Variants in HEATR1 observed in about 807,000 individuals in gnomAD.
The protein encoded by HEATR1 is HEAT repeat containing 1.
A neutral mutation model predicts 248.2 loss-of-function variants in HEATR1; 77 were observed. That is an observed-to-expected ratio of 0.31 (90% CI 0.26 to 0.37). HEATR1 has a LOEUF of 0.37. HEATR1 is among the 10% of genes least tolerant of loss of function. The probability of loss-of-function intolerance (pLI) is 1.00; values close to 1 mark genes in which losing one functional copy is unlikely to be tolerated. For synonymous variants in HEATR1, 897 were observed against 923.1 expected, an observed-to-expected ratio of 0.97 and a Z score of 0.51; for missense variants, 2,420 against 2,504.9, an observed-to-expected ratio of 0.97 and a Z score of 0.72.
At chr1:236,569,901 C>T (rs1263093290) in intron 28 of HEATR1, among the ~76,000 whole-genome samples, 1 of 152,154 alleles carries the variant, frequency 6.6e-6, no homozygotes, top group African/African-American at 2.4e-5. Flanking sequence ...AACCGATGAA[C>T]AGATAAACAA....
In HEATR1 at chr1:236,590,833, G is replaced by A. The variant is rs781148954; in HGVS notation, c.1530+14C>T. 1.1e-5 allele frequency: 15 copies of A among 1,372,944 alleles called. No homozygotes were observed. Among genetic ancestry groups the A allele is most frequent in the African/African-American group, 2.9e-5 (2 of 68,222 alleles). The allele number at this position is 1,372,944 out of a possible 1,614,324, so 85.0% of individuals were successfully genotyped here. On this transcript the variant is annotated intron_variant, in intron 12 of 44. Coordinates refer to ENST00000366582, the MANE Select transcript of HEATR1 (RefSeq NM_018072.6). ...AGAAAAAAAAACCATATAAAAAAGC[G>A]ATCTGAAACAAACCTTTGATGTTTT...
chr1:236,579,089 A>G (rs1663640550), intron 20 of HEATR1, among the ~76,000 whole-genome samples: 1 of 152,264 alleles, frequency 6.6e-6, no homozygotes, highest in South Asian at 2.1e-4. Context: ...TAAGAAGTTC[A>G]TACAGGTTGA....
intron 24 of HEATR1, among the ~76,000 whole-genome samples, chr1:236,573,351 A>G (rs761105505): frequency 6.6e-6 from 1 of 152,202 alleles, no homozygotes; most frequent in Non-Finnish European, 1.5e-5. Flanking sequence ...CATGCACAAA[A>G]ACAGATTTAC....
At chr1:236,603,518 A>G (rs1664383125) in intron 2 of HEATR1, 142 bp from the exon 3 acceptor site, 2 of 653,264 alleles carry the variant, frequency 3.1e-6, no homozygotes, top group South Asian at 4.0e-5. Context: ...CCAAACACTG[A>G]TTTCTAGTTT....
intron 8 of HEATR1, among the ~76,000 whole-genome samples, chr1:236,594,460 A>T (rs952095995): frequency 6.6e-6 from 1 of 152,228 alleles, no homozygotes. Context: ...AAAAGAGGTT[A>T]AACTTTTATC....
rs545436442 is a variant in HEATR1 at position 236,600,710 on chromosome 1, T to C, written c.360-1086A>G. 3.9e-5 allele frequency among the ~76,000 whole-genome samples: 6 copies of C among 152,136 alleles called. No homozygotes were observed. The East Asian group carries it at 9.7e-4, about 25-fold the overall frequency. ...CACACCCAGCTAATTTTTTTTTGTA[T>C]TTCTAGTAGAGACAGGGATTCACCA... On this transcript the variant is annotated intron_variant, in intron 3 of 44. Coordinates refer to ENST00000366582, the MANE Select transcript of HEATR1 (RefSeq NM_018072.6).
intron 31 of HEATR1, 67 bp downstream of exon 31, chr1:236,565,852 C>T (rs1032915321): frequency 2.7e-6 from 4 of 1,471,120 alleles, no homozygotes; most frequent in Admixed American, 4.0e-5. Flanking sequence ...TAAGGATAAC[C>T]TGCATTCTCT....
At chr1:236,557,453 C>G (rs1663009355) in intron 36 of HEATR1, 108 bp from the exon 37 acceptor site, 2 of 1,138,906 alleles carry the variant, frequency 1.8e-6, no homozygotes, top group African/African-American at 3.1e-5. Context: ...TATTACATCG[C>G]TATCTGCTTC....
chr1:236,594,291 T>C (rs1318258810), intron 8 of HEATR1, among the ~76,000 whole-genome samples, 177 bp from the exon 9 acceptor site: 1 of 152,246 alleles, frequency 6.6e-6, no homozygotes, highest in African/African-American at 2.4e-5. Context: ...TTTTTAAAGC[T>C]CTTTTGTATA....
intron 36 of HEATR1, 50 bp from the exon 37 acceptor site, chr1:236,557,395 T>C (rs1244980467): frequency 6.2e-7 from 1 of 1,600,572 alleles, no homozygotes; most frequent in Non-Finnish European, 8.5e-7. Context: ...AAACAGAGGC[T>C]AGGGAATGGA....
At chr1:236,562,806 C>T (rs552616243) in intron 32 of HEATR1, among the ~76,000 whole-genome samples, 80 of 152,298 alleles carry the variant, frequency 5.3e-4, no homozygotes, top group African/African-American at 1.8e-3. Context: ...ATATCTTGCA[C>T]ATTTCCCCTG....
At chr1:236,588,107 G>A (rs1428803099) in intron 12 of HEATR1, 64 bp from the exon 13 acceptor site, 2 of 1,235,884 alleles carry the variant, frequency 1.6e-6, no homozygotes, top group East Asian at 2.4e-5. Context: ...CTTTGCACTA[G>A]AAAGGAAGTA....
At chr1:236,601,943 A>G (rs1409440093) in intron 3 of HEATR1, among the ~76,000 whole-genome samples, 1 of 150,408 alleles carries the variant, frequency 6.6e-6, no homozygotes, top group African/African-American at 2.4e-5. Context: ...CAGCCTGGCC[A>G]ACGTGATGAA....
chr1:236,550,678 C>A lies in HEATR1; in HGVS notation c.*224G>T. On this transcript the variant is annotated 3_prime_UTR_variant, in exon 45 of 45. Transcript: ENST00000366582. Reference sequence around the variant, plus strand: ...AAACACAGCAGTCTGTATAAAAATACCGTGTATCATTTACTCTTTCTGCAG... The same window carrying A: ...AAACACAGCAGTCTGTATAAAAATAACGTGTATCATTTACTCTTTCTGCAG... 2.2e-6 allele frequency: 1 copy of A among 454,676 alleles called. No individual in the cohort carries two copies. Among genetic ancestry groups the A allele is most frequent in the Non-Finnish European group, 3.9e-6 (1 of 257,904 alleles). 28.2% of individuals were successfully genotyped at this position (454,676 alleles called of 1,614,324 possible).
chr1:236,589,340 C>A (rs1444320049), intron 12 of HEATR1, among the ~76,000 whole-genome samples: 1 of 152,188 alleles, frequency 6.6e-6, no homozygotes, highest in African/African-American at 2.4e-5. Flanking sequence ...AAGCAGAATT[C>A]ATGTCAGATC....
At chr1:236,575,012 A>G (rs946970158) in intron 22 of HEATR1, 109 bp from the exon 23 acceptor site, 8 of 1,021,680 alleles carry the variant, frequency 7.8e-6, no homozygotes, top group East Asian at 2.6e-5. Context: ...AGCCTGGAGG[A>G]AAAAACCCAA....
chr1:236,578,550 T>C (rs1407412930), intron 20 of HEATR1, among the ~76,000 whole-genome samples: 1 of 152,250 alleles, frequency 6.6e-6, no homozygotes, highest in Admixed American at 6.5e-5. Context: ...GGACACTTTA[T>C]GGGTTTTGTC....
chr1:236,585,960 T>C lies in HEATR1; in HGVS notation c.1928-19A>G, dbSNP rs1203925222. 6.2e-7 allele frequency: 1 copy of C among 1,612,778 alleles called. No homozygotes were observed. The highest frequency in any genetic ancestry group is 1.1e-5 in the South Asian group (1 of 90,990). On this transcript the variant is annotated intron_variant, in intron 15 of 44. Coordinates refer to ENST00000366582, the MANE Select transcript of HEATR1 (RefSeq NM_018072.6). ...TCAAGAGCTGTAAAGTAAAATCGAA[T>C]GCAGAGAGCTCTTATGTCACCAACA...
chr1:236,554,811 A>C, intron 41 of HEATR1, 59 bp from the exon 42 acceptor site: 3 of 1,388,176 alleles, frequency 2.2e-6, no homozygotes, highest in South Asian at 2.6e-5. Flanking sequence ...TTAATCTCCA[A>C]TGTTTACATT....
Sources: gnomAD v4.1 joint callset for allele counts (sites outside exome capture counted in the v4.1 genomes callset) on GRCh38, gnomAD v4.1.1 for gene constraint, MANE v1.5 for transcripts, NCBI Gene and HGNC (gene_info 2026-07-23, HGNC 2026-07-21) for gene names.